Variants in NFIX observed in about 807,000 individuals in gnomAD.
The protein encoded by NFIX is nuclear factor I X, also known as nuclear factor 1 X-type.
Under a neutral mutation model 53.3 loss-of-function variants are expected in NFIX, and 2 were observed. The observed-to-expected ratio is 0.04, with a 90% confidence interval of 0.02 to 0.12. The LOEUF (loss-of-function observed/expected upper bound fraction) is 0.12. Among genes scored for constraint, NFIX ranks in the 10% least tolerant of loss-of-function variants. The pLI is 1.00. For synonymous variants in NFIX, 244 were observed against 289.0 expected (o/e 0.84, Z 1.58); for missense variants, 310 against 674.5 (o/e 0.46, Z 5.99).
chr19:13,090,400 C>T lies in NFIX; in HGVS notation c.1494+10C>T. ...CCCACAGCAGTCTCAGGTAGGAGAC[C>T]CTGCCCACCACCTGGATGCAGGGAC... On this transcript the variant is annotated intron_variant, in intron 10 of 10. Coordinates refer to ENST00000592199, the MANE Select transcript of NFIX (RefSeq NM_001365902.3). This position sits in a 1 kb window ranked among gnomAD's most constrained non-coding sequence, Gnocchi z 6.6. The T allele has an allele frequency of 6.2e-7, 1 of 1,612,114 alleles. No individual in the cohort carries two copies. Among genetic ancestry groups the T allele is most frequent in the Non-Finnish European group, 8.5e-7 (1 of 1,178,320 alleles).
chr19:13,025,643 C>T lies in NFIX; in HGVS notation c.559+91C>T, dbSNP rs2013279863. On this transcript the variant is annotated intron_variant, in intron 2 of 10. Coordinates refer to ENST00000592199, the MANE Select transcript of NFIX (RefSeq NM_001365902.3). The surrounding 1 kb of genome is among the most constrained non-coding windows in gnomAD (Gnocchi z 7.5). The stretch of plus-strand genomic sequence containing the variant: ...TGTTCCTCTAATTTCCAAGCGATAA[C>T]TCGCCATGGGCCTAACTGGTGTATG... The T allele has an allele frequency of 8.3e-6, 12 of 1,449,190 alleles. 1 individual carries two copies. In the South Asian group the frequency reaches 1.4e-4, roughly 17 times the overall value. The allele number at this position is 1,449,190 out of a possible 1,614,324, so 89.8% of individuals were successfully genotyped here. A position where few individuals can be genotyped will look rare whatever the true frequency, so the allele number is the denominator to read the frequency against.
At position 13,067,351 on chromosome 19, in the gene NFIX, G is replaced by A. The variant is rs113608751; in HGVS notation, c.560-5696G>A. Among the ~76,000 whole-genome samples the A allele has an allele frequency of 3.1e-3, 469 of 152,322 alleles. 3 individuals carry two copies. Among genetic ancestry groups the A allele is most frequent in the African/African-American group, 0.011 (451 of 41,564 alleles). On this transcript the variant is annotated intron_variant, in intron 2 of 10. Transcript: ENST00000592199. The surrounding 1 kb of genome is among the most constrained non-coding windows in gnomAD (Gnocchi z 4.2). The stretch of plus-strand genomic sequence containing the variant: ...GTTCTCCCCGTTTCCAAAGGCCAGC[G>A]GTTCCTGCAGAGTTGAAGGGGATTC...
chr19:13,016,884 T>C (rs1181008280), intron 1 of NFIX, among the ~76,000 whole-genome samples: 1 of 152,164 alleles, frequency 6.6e-6, no homozygotes, highest in Non-Finnish European at 1.5e-5. Flanking sequence ...TCGCCCTCCA[T>C]GGCCCTTCTG....
chr19:13,046,024 T>C (rs1288957747), intron 2 of NFIX, among the ~76,000 whole-genome samples: 1 of 152,214 alleles, frequency 6.6e-6, no homozygotes. Context: ...ACATCTGGCC[T>C]GGTTTCTGCT....
At chr19:13,092,924 C>T (rs1299532412) in intron 10 of NFIX, among the ~76,000 whole-genome samples, 1 of 152,232 alleles carries the variant, frequency 6.6e-6, no homozygotes, top group South Asian at 2.1e-4. Flanking sequence ...GGCAGGTGCT[C>T]GAGGAGCCCC....
At position 13,002,749 on chromosome 19, in the gene NFIX, C is replaced by A. The variant is rs182506366; in HGVS notation, c.27+6885C>A. On this transcript the variant is annotated intron_variant, in intron 1 of 10. Transcript: ENST00000592199. This position sits in a 1 kb window ranked among gnomAD's most constrained non-coding sequence, Gnocchi z 6.1. ...GGCACTGCGGCGCTCTGCAGCCAAT[C>A]GGAAGCCGGGGTTGCACTGGGGAGC... is the stretch of plus-strand genomic sequence containing the variant. Among the ~76,000 whole-genome samples the A allele has an allele frequency of 3.2e-4, 49 of 152,250 alleles. No homozygotes were observed. Among genetic ancestry groups the A allele is most frequent in the Admixed American group, 2.4e-3 (37 of 15,304 alleles).
intron 1 of NFIX, among the ~76,000 whole-genome samples, chr19:13,016,520 C>G (rs2012674520): frequency 6.6e-6 from 1 of 152,004 alleles, no homozygotes; most frequent in South Asian, 2.1e-4. Flanking sequence ...GCCCCTGCCC[C>G]CCGCCCCCGC....
At chr19:13,055,225 C>A (rs139623414) in intron 2 of NFIX, among the ~76,000 whole-genome samples, 2 of 151,534 alleles carry the variant, frequency 1.3e-5, no homozygotes, top group African/African-American at 2.4e-5. Flanking sequence ...AACCCTCCCC[C>A]CCTCCCCACT....
At chr19:13,085,620 G>T (rs2017734712) in intron 8 of NFIX, among the ~76,000 whole-genome samples, 1 of 152,230 alleles carries the variant, frequency 6.6e-6, no homozygotes, top group African/African-American at 2.4e-5. Flanking sequence ...AAGTTCTCCA[G>T]CCCTTGACAC....
At position 13,088,880 on chromosome 19, in the gene NFIX, CA is replaced by C. The variant is rs2017965358; in HGVS notation, c.1402+747del. Reference sequence around the variant, plus strand: ...TTTTTTTTTCCTCTTAAACCAATGACAAATTTTGTCAAAGGGAAAAGAAGAA... The same window carrying C: ...TTTTTTTTTCCTCTTAAACCAATGACAATTTTGTCAAAGGGAAAAGAAGAA... On this transcript the variant is annotated intron_variant, in intron 9 of 10. Coordinates refer to ENST00000592199, the MANE Select transcript of NFIX (RefSeq NM_001365902.3). The surrounding 1 kb of genome is among the most constrained non-coding windows in gnomAD (Gnocchi z 5.9). Among the ~76,000 whole-genome samples the C allele has an allele frequency of 6.6e-6, 1 of 151,140 alleles. No individual in the cohort carries two copies. Among genetic ancestry groups the C allele is most frequent in the Non-Finnish European group, 1.5e-5 (1 of 67,848 alleles).
intron 6 of NFIX, among the ~76,000 whole-genome samples, chr19:13,077,328 A>G (rs2017169953): frequency 6.6e-6 from 1 of 151,964 alleles, no homozygotes; most frequent in South Asian, 2.1e-4. Context: ...GCCCCTCAAC[A>G]TCCTCCTGCA....
intron 1 of NFIX, among the ~76,000 whole-genome samples, chr19:13,019,891 A>T (rs1318403401): frequency 6.6e-6 from 1 of 151,712 alleles, no homozygotes; most frequent in Non-Finnish European, 1.5e-5. Context: ...AATGGGGGAA[A>T]TACCTTTCCC....
intron 2 of NFIX, among the ~76,000 whole-genome samples, chr19:13,044,496 G>A (rs1017823562): frequency 6.6e-6 from 1 of 152,130 alleles, no homozygotes; most frequent in African/African-American, 2.4e-5. Flanking sequence ...CCCCAACAAC[G>A]TAAGAGGAAA....
chr19:13,038,447 A>G (rs976233414), intron 2 of NFIX, among the ~76,000 whole-genome samples: 1 of 152,172 alleles, frequency 6.6e-6, no homozygotes, highest in Non-Finnish European at 1.5e-5. Context: ...TCCCAGACCC[A>G]GTGACCAGGG....
At chr19:13,062,076 C>G (rs1158652400) in intron 2 of NFIX, among the ~76,000 whole-genome samples, 1 of 152,158 alleles carries the variant, frequency 6.6e-6, no homozygotes, top group Admixed American at 6.5e-5. Context: ...TGGACAGTGG[C>G]TGCCTTCGGG....
chr19:13,074,304 G>A (rs2016940789), intron 5 of NFIX, among the ~76,000 whole-genome samples: 1 of 152,206 alleles, frequency 6.6e-6, no homozygotes, highest in Non-Finnish European at 1.5e-5. Context: ...CTGTCTTGGG[G>A]AGGTGACATT....
At chr19:13,015,408 C>T (rs1407960905) in intron 1 of NFIX, among the ~76,000 whole-genome samples, 1 of 152,142 alleles carries the variant, frequency 6.6e-6, no homozygotes, top group Admixed American at 6.5e-5. Context: ...GCCCCAGGAC[C>T]CTAGGCCCAG....
At position 13,014,121 on chromosome 19, in the gene NFIX, C is replaced by T. The variant is rs182327538; in HGVS notation, c.28-10900C>T. The T allele has an allele frequency of 3.9e-5, 6 of 152,344 alleles. No homozygotes were observed. Among genetic ancestry groups the T allele is most frequent in the Admixed American group, 2.6e-4 (4 of 15,308 alleles). 9.4% of individuals were successfully genotyped at this position (152,344 alleles called of 1,614,324 possible). A position where few individuals can be genotyped will look rare whatever the true frequency, so the allele number is the denominator to read the frequency against. On this transcript the variant is annotated intron_variant, in intron 1 of 10. Transcript: ENST00000592199. The surrounding 1 kb of genome is among the most constrained non-coding windows in gnomAD (Gnocchi z 4.4). The stretch of plus-strand genomic sequence containing the variant: ...TAACTCGTCTCTCCTCTCTCCTCTC[C>T]ATTCAGCATTGTCTTATTTAAGGGC...
chr19:13,024,788 C>A, intron 1 of NFIX: 1 of 1,469,806 alleles, frequency 6.8e-7, no homozygotes, highest in Non-Finnish European at 9.2e-7. Flanking sequence ...TGTCTGGCTG[C>A]TGAGGCTGAG....
Sources: gnomAD v4.1 joint callset for allele counts (sites outside exome capture counted in the v4.1 genomes callset) on GRCh38, gnomAD v4.1.1 for gene constraint, Gnocchi (gnomAD v3.1) non-coding constraint, MANE v1.5 for transcripts, NCBI Gene and HGNC (gene_info 2026-07-23, HGNC 2026-07-21) for gene names.